Variants in HOMER1 observed in about 807,000 individuals in gnomAD.
HOMER1 encodes the protein homer protein homolog 1.
In HOMER1, 3 loss-of-function variants were observed where a neutral mutation model predicts 48.9. The ratio of observed to expected loss-of-function variants is 0.06; its 90% CI spans 0.03 to 0.16. The LOEUF is 0.16. HOMER1 is among the 10% of genes least tolerant of loss of function. The pLI is 1.00. For missense variants in HOMER1, 247 were observed against 411.4 expected, an observed-to-expected ratio of 0.60 and a Z score of 3.46; for synonymous variants, 134 against 146.4, an observed-to-expected ratio of 0.92 and a Z score of 0.61.
At chr5:79,430,034 A>T (rs529742391) in intron 5 of HOMER1, among the ~76,000 whole-genome samples, 3 of 151,984 alleles carry the variant, frequency 2.0e-5, no homozygotes, top group Non-Finnish European at 4.4e-5. Flanking sequence ...AAAAAAAAAA[A>T]AATTAAAACA....
chr5:79,427,451 C>T (rs756237231), intron 5 of HOMER1, among the ~76,000 whole-genome samples: 1 of 152,078 alleles, frequency 6.6e-6, no homozygotes, highest in Non-Finnish European at 1.5e-5. Context: ...TACAGTGGCA[C>T]GATCTTAGCT....
rs952014449 is a variant in HOMER1, at chr5:79,513,839, G to C, written c.-1065C>G. 6.5e-6 allele frequency: 1 copy of C among 153,276 alleles called. No homozygotes were observed. The highest frequency in any genetic ancestry group is 2.4e-5 in the African/African-American group (1 of 41,444). The allele number at this position is 153,276 out of a possible 1,614,324, so 9.5% of individuals were successfully genotyped here. ...GAGGCTAAGCCCGCGTTGGGGCCAG[G>C]AGAGCTGGGCTCGAAGCCGAAGCGC... On this transcript the variant is annotated 5_prime_UTR_variant, in exon 1 of 9. Transcript: ENST00000334082.
intron 1 of HOMER1, among the ~76,000 whole-genome samples, chr5:79,497,433 T>C (rs1434497257): frequency 2.6e-5 from 4 of 151,960 alleles, no homozygotes; most frequent in Non-Finnish European, 5.9e-5. Flanking sequence ...GTGGATCACC[T>C]GAGGTCAGGA....
chr5:79,432,804 A>C (rs1750460322), intron 5 of HOMER1, among the ~76,000 whole-genome samples: 2 of 152,082 alleles, frequency 1.3e-5, no homozygotes, highest in African/African-American at 4.8e-5. Flanking sequence ...CCAAATTACT[A>C]CCGTACTTCT....
chr5:79,498,911 T>C (rs528382006), intron 1 of HOMER1, among the ~76,000 whole-genome samples: 6 of 150,470 alleles, frequency 4.0e-5, no homozygotes, highest in African/African-American at 7.3e-5. Flanking sequence ...TCTCGGCCCA[T>C]TGCAATCTCC....
At position 79,467,111 on chromosome 5, in the gene HOMER1, G is replaced by A. The variant is rs139654393; in HGVS notation, c.6-10093C>T. ...GGCCTTAAAAACTTTAAAAACAAATGAATTAGGCTGGGCGCAGAGGATCAG... is the reference window on the plus strand; with the variant it reads ...GGCCTTAAAAACTTTAAAAACAAATAAATTAGGCTGGGCGCAGAGGATCAG... On this transcript the variant is annotated intron_variant, in intron 1 of 8. Coordinates refer to ENST00000334082, the MANE Select transcript of HOMER1 (RefSeq NM_004272.5). Among the ~76,000 whole-genome samples the A allele has an allele frequency of 4.1e-3, 629 of 152,090 alleles. 3 individuals are homozygous for A. Among genetic ancestry groups the A allele is most frequent in the African/African-American group, 0.014 (582 of 41,510 alleles).
At chr5:79,413,452 T>C (rs778641565) in intron 5 of HOMER1, among the ~76,000 whole-genome samples, 34 of 152,206 alleles carry the variant, frequency 2.2e-4, no homozygotes, top group Middle Eastern at 3.4e-3. Flanking sequence ...TAAAAATATA[T>C]ATATTTAGGG....
intron 1 of HOMER1, among the ~76,000 whole-genome samples, chr5:79,472,873 T>C (rs1043797654): frequency 2.6e-5 from 4 of 152,188 alleles, no homozygotes; most frequent in African/African-American, 4.8e-5. Context: ...GTCCAGAGAA[T>C]GTTTCTTACA....
At chr5:79,447,857 C>A (rs1750926002) in intron 3 of HOMER1, among the ~76,000 whole-genome samples, 1 of 152,154 alleles carries the variant, frequency 6.6e-6, no homozygotes, top group Non-Finnish European at 1.5e-5. Context: ...GGAAGCTAGT[C>A]TATCACTATT....
intron 1 of HOMER1, among the ~76,000 whole-genome samples, chr5:79,506,069 G>C (rs991088308): frequency 2.0e-5 from 3 of 151,778 alleles, no homozygotes; most frequent in Non-Finnish European, 4.4e-5. Context: ...ATTCTAAATT[G>C]TACTTACCAG....
intron 8 of HOMER1, among the ~76,000 whole-genome samples, chr5:79,380,743 C>T (rs1748948956): frequency 6.6e-6 from 1 of 152,046 alleles, no homozygotes; most frequent in Non-Finnish European, 1.5e-5. Context: ...GAAGGGATTG[C>T]CCAGCCCAGT....
Position 79,373,764 on chromosome 5 carries a change from A to C in HOMER1, c.*2245T>G, listed in dbSNP as rs1056461657. On this transcript the variant is annotated 3_prime_UTR_variant, in exon 9 of 9. Transcript: ENST00000334082. Reference sequence around the variant, plus strand: ...TTGTTAAATCACTAAAAAAGGAAACAATTAGGCTCTATTGGACAAGAAAAA... The same window carrying C: ...TTGTTAAATCACTAAAAAAGGAAACCATTAGGCTCTATTGGACAAGAAAAA... The C allele has an allele frequency of 1.4e-4, 21 of 151,998 alleles. No individual in the cohort carries two copies. The highest frequency in any genetic ancestry group is 4.6e-4 in the African/African-American group (19 of 41,428). The allele number at this position is 151,998 out of a possible 1,614,324, so 9.4% of individuals were successfully genotyped here.
At chr5:79,393,993 A>C (rs1439988836) in intron 8 of HOMER1, among the ~76,000 whole-genome samples, 1 of 152,196 alleles carries the variant, frequency 6.6e-6, no homozygotes. Context: ...GATTTTTTTA[A>C]TATTATGGAA....
chr5:79,402,519 T>G (rs1749558282), intron 5 of HOMER1, among the ~76,000 whole-genome samples: 2 of 152,128 alleles, frequency 1.3e-5, no homozygotes, highest in Non-Finnish European at 2.9e-5. Flanking sequence ...CACAAATACT[T>G]TACCAAAATA....
At chr5:79,510,193 A>C (rs1458993919) in intron 1 of HOMER1, among the ~76,000 whole-genome samples, 1 of 142,516 alleles carries the variant, frequency 7.0e-6, no homozygotes. Context: ...CAGGCTTTCC[A>C]AAAAAAAAAA....
chr5:79,512,710 C>A (rs1217381768), intron 1 of HOMER1, 60 bp downstream of exon 1: 20 of 1,520,410 alleles, frequency 1.3e-5, no homozygotes, highest in Non-Finnish European at 1.8e-5. Context: ...TCACCACCAC[C>A]GCTCAATAAT....
At chr5:79,392,565 T>C (rs769359449) in intron 8 of HOMER1, among the ~76,000 whole-genome samples, 2 of 152,216 alleles carry the variant, frequency 1.3e-5, no homozygotes, top group African/African-American at 2.4e-5. Context: ...GTTAAAAAAA[T>C]TTTAAATGTT....
chr5:79,409,739 A>G (rs1377155391), intron 5 of HOMER1, among the ~76,000 whole-genome samples: 1 of 152,236 alleles, frequency 6.6e-6, no homozygotes, highest in African/African-American at 2.4e-5. Flanking sequence ...CCCAAAGAAG[A>G]GAAATAAACA....
At chr5:79,454,972 GT>G (rs1057296905) in intron 2 of HOMER1, among the ~76,000 whole-genome samples, 10 of 151,566 alleles carry the variant, frequency 6.6e-5, no homozygotes, top group African/African-American at 1.9e-4. Context: ...GAGGCATACA[GT>G]TTTTTTTTCC....
Sources: allele counts gnomAD v4.1 joint callset (sites outside exome capture counted in the v4.1 genomes callset), GRCh38; gene constraint gnomAD v4.1.1; transcripts MANE v1.5; gene names NCBI Gene and HGNC (gene_info 2026-07-23, HGNC 2026-07-21).